Variants in PDE4D observed in about 807,000 individuals in gnomAD.
PDE4D encodes 3',5'-cyclic-AMP phosphodiesterase 4D.
A neutral mutation model predicts 87.4 loss-of-function variants in PDE4D; 24 were observed. That is an observed-to-expected ratio of 0.27 (90% confidence interval 0.20 to 0.39). The LOEUF is 0.39. Ranked by LOEUF, PDE4D falls within the 10% of genes least tolerant of loss-of-function variation. PDE4D has a pLI of 1.00. For synonymous variants in PDE4D, 384 were observed against 383.2 expected (o/e 1.00, Z -0.02); for missense variants, 714 against 1,041.0 (o/e 0.69, Z 4.32).
chr5:59,201,978 A>G (rs1230296489), intron 2 of PDE4D, among the ~76,000 whole-genome samples: 1 of 151,288 alleles, frequency 6.6e-6, no homozygotes, highest in East Asian at 1.9e-4. Flanking sequence ...TTCAACGCCA[A>G]ACTCAGGCCA....
chr5:59,562,553 T>G (rs199542902), intron 1 of PDE4D, among the ~76,000 whole-genome samples: 1 of 152,198 alleles, frequency 6.6e-6, no homozygotes, highest in Non-Finnish European at 1.5e-5. Flanking sequence ...CATTTCCAAA[T>G]AAACCACTGG....
At chr5:59,857,100 C>T (rs1745551251) in intron 1 of PDE4D, among the ~76,000 whole-genome samples, 1 of 152,152 alleles carries the variant, frequency 6.6e-6, no homozygotes, top group African/African-American at 2.4e-5. Flanking sequence ...TCATGAAATG[C>T]CCCGCAAGTG....
At chr5:59,095,675 C>T (rs1312984789) in intron 5 of PDE4D, among the ~76,000 whole-genome samples, 2 of 152,158 alleles carry the variant, frequency 1.3e-5, no homozygotes, top group Non-Finnish European at 2.9e-5. Flanking sequence ...TAGAATTACC[C>T]AGACTACCAG....
intron 1 of PDE4D, among the ~76,000 whole-genome samples, chr5:60,211,644 C>T (rs929546740): frequency 2.0e-5 from 3 of 149,680 alleles, no homozygotes; most frequent in African/African-American, 7.4e-5. Context: ...TTAATGTTTC[C>T]ATATTTGTTG....
chr5:59,311,686 G>GA (rs1005893266), intron 1 of PDE4D, among the ~76,000 whole-genome samples: 3 of 151,902 alleles, frequency 2.0e-5, no homozygotes, highest in African/African-American at 7.3e-5. Flanking sequence ...ACCCTAAAAT[G>GA]AAAAAACTAA....
chr5:60,445,337 A>C (rs992734787), intron 1 of PDE4D, among the ~76,000 whole-genome samples: 3 of 152,210 alleles, frequency 2.0e-5, no homozygotes, highest in African/African-American at 7.2e-5. Context: ...ACTAGATCCA[A>C]AATTTTATAT....
chr5:59,882,861 T>C (rs1325592977), intron 1 of PDE4D, among the ~76,000 whole-genome samples: 1 of 151,858 alleles, frequency 6.6e-6, no homozygotes, highest in Non-Finnish European at 1.5e-5. Context: ...CACTGCAATC[T>C]CTGCCTCCCA....
chr5:60,011,738 A>G (rs1765038298), intron 2 of PDE4D, among the ~76,000 whole-genome samples: 1 of 152,120 alleles, frequency 6.6e-6, no homozygotes, highest in African/African-American at 2.4e-5. Flanking sequence ...AAGTATGCTG[A>G]CCCTTGCTCT....
At chr5:60,026,175 T>A (rs1025630613) in intron 2 of PDE4D, among the ~76,000 whole-genome samples, 1 of 152,178 alleles carries the variant, frequency 6.6e-6, no homozygotes, top group Non-Finnish European at 1.5e-5. Flanking sequence ...GAAACAAAGA[T>A]CACTATTCAT....
At chr5:60,311,839 A>G (rs949639077) in intron 1 of PDE4D, among the ~76,000 whole-genome samples, 1 of 152,232 alleles carries the variant, frequency 6.6e-6, no homozygotes, top group Non-Finnish European at 1.5e-5. Context: ...ATGCAGTGAC[A>G]CTCATAGGCT....
chr5:60,502,409 T>A (rs1274004981), intron 1 of PDE4D, among the ~76,000 whole-genome samples: 2 of 152,214 alleles, frequency 1.3e-5, no homozygotes, highest in Non-Finnish European at 2.9e-5. Flanking sequence ...ACTGTAGCCT[T>A]GTAGTATAGT....
intron 1 of PDE4D, among the ~76,000 whole-genome samples, chr5:59,730,423 T>A (rs1757214097): frequency 6.6e-6 from 1 of 152,272 alleles, no homozygotes; most frequent in South Asian, 2.1e-4. Context: ...TTAGTTGAGA[T>A]CAATTTTTAA....
chr5:60,113,731 C>T (rs530584417), intron 2 of PDE4D, among the ~76,000 whole-genome samples: 1 of 152,282 alleles, frequency 6.6e-6, no homozygotes, highest in Admixed American at 6.5e-5. Flanking sequence ...TAACAATCAG[C>T]TCTTATCTCT....
chr5:59,357,300 T>A (rs1363526357), intron 1 of PDE4D, among the ~76,000 whole-genome samples: 4 of 152,162 alleles, frequency 2.6e-5, no homozygotes, highest in Admixed American at 6.5e-5. Context: ...TAAAAAATTT[T>A]AAAAAATACA....
Position 59,440,900 on chromosome 5 carries a change from A to T in PDE4D, c.456-224932T>A, listed in dbSNP as rs558513159. The stretch of plus-strand genomic sequence containing the variant: ...GGAAAAACAAATATCTGGTTCTGGC[A>T]TGAGGAGCCCTGCTTCATGGTATGC... On this transcript the variant is annotated intron_variant, in intron 1 of 14. Coordinates refer to ENST00000340635, the MANE Select transcript of PDE4D (RefSeq NM_001104631.2). Among the ~76,000 whole-genome samples, 41 of 152,338 alleles carry T rather than the reference A, an allele frequency of 2.7e-4. No individual in the cohort carries two copies. In the South Asian group the frequency reaches 3.9e-3, roughly 15 times the overall value.
At chr5:59,294,728 T>C (rs963974875) in intron 1 of PDE4D, among the ~76,000 whole-genome samples, 3 of 152,218 alleles carry the variant, frequency 2.0e-5, no homozygotes, top group African/African-American at 7.2e-5. Flanking sequence ...CTGTCTCTCT[T>C]TTGTTCAATC....
At chr5:60,156,226 G>A (rs1781966789) in intron 2 of PDE4D, among the ~76,000 whole-genome samples, 3 of 152,172 alleles carry the variant, frequency 2.0e-5, no homozygotes, top group Non-Finnish European at 4.4e-5. Context: ...CCTCGCTACT[G>A]TTTGTTTATC....
intron 1 of PDE4D, chr5:59,703,682 A>G (rs1752949492): frequency 1.9e-6 from 1 of 512,852 alleles, no homozygotes; most frequent in Non-Finnish European, 4.0e-6. Flanking sequence ...TGGTTGAACA[A>G]CTGTAATCAA....
chr5:60,220,404 C>CTA (rs929300341), intron 1 of PDE4D, among the ~76,000 whole-genome samples: 4 of 152,164 alleles, frequency 2.6e-5, no homozygotes, highest in Non-Finnish European at 5.9e-5. Flanking sequence ...TCACCTCACT[C>CTA]TATACCACTG....
Sources: gnomAD v4.1 joint callset for allele counts (sites outside exome capture counted in the v4.1 genomes callset) on GRCh38, gnomAD v4.1.1 for gene constraint, MANE v1.5 for transcripts, NCBI Gene and HGNC (gene_info 2026-07-23, HGNC 2026-07-21) for gene names.